KIF3B: variants seen among roughly 807,000 people sequenced by gnomAD.
KIF3B encodes the protein kinesin family member 3B, also known as kinesin-like protein KIF3B.
A neutral mutation model predicts 74.3 loss-of-function variants in KIF3B; 38 were observed. That is an observed-to-expected ratio of 0.51 (90% CI 0.39 to 0.67). The LOEUF (loss-of-function observed/expected upper bound fraction) is 0.67. KIF3B is among the 30% of genes least tolerant of loss of function. The pLI, the probability that KIF3B is intolerant of heterozygous loss-of-function variation, is 0.00. For synonymous variants in KIF3B, 326 were observed against 342.5 expected (o/e 0.95, Z 0.53); for missense variants, 649 against 932.0 (o/e 0.70, Z 3.95).
At position 32,335,002 on chromosome 20, in the gene KIF3B, C is replaced by T. The variant is rs1275102361; in HGVS notation, c.*3683C>T. 1.3e-5 allele frequency: 2 copies of T among 152,538 alleles called. No homozygotes were observed. Among genetic ancestry groups the T allele is most frequent in the African/African-American group, 4.8e-5 (2 of 41,426 alleles). 9.4% of individuals were successfully genotyped at this position (152,538 alleles called of 1,614,324 possible). On this transcript the variant is annotated 3_prime_UTR_variant, in exon 9 of 9. Transcript: ENST00000375712. ...ATAAAAATCAATCAGATTTATTGTA[C>T]CTACAAAAAGGTGTCCTCATAAATG...
At chr20:32,324,850 G>A (rs1266741204) in intron 5 of KIF3B, among the ~76,000 whole-genome samples, 2 of 152,118 alleles carry the variant, frequency 1.3e-5, no homozygotes, top group Non-Finnish European at 2.9e-5. Context: ...GCAACATGGT[G>A]AAACCCTGTC....
chr20:32,281,994 C>A (rs1421137313), intron 1 of KIF3B, among the ~76,000 whole-genome samples: 1 of 152,068 alleles, frequency 6.6e-6, no homozygotes, highest in Non-Finnish European at 1.5e-5. Context: ...TCATACAGGA[C>A]CTTGTCTGCT....
chr20:32,278,921 CTT>C (rs57355936), intron 1 of KIF3B, among the ~76,000 whole-genome samples: 41 of 118,394 alleles, frequency 3.5e-4, no homozygotes, highest in East Asian at 2.2e-3. Context: ...CTTAAGAATC[CTT>C]TTTTTTTTTT....
chr20:32,329,983 G>A (rs923900034), intron 7 of KIF3B, among the ~76,000 whole-genome samples, 158 bp from the exon 8 acceptor site: 1 of 152,186 alleles, frequency 6.6e-6, no homozygotes, highest in Admixed American at 6.5e-5. Context: ...GGAGTTAGGT[G>A]TTGTAAAACG....
chr20:32,316,166 T>C lies in KIF3B; in HGVS notation c.1405-52T>C, dbSNP rs1400246269. ...TCACAGGCTCCCCTGTGAGGAATTA[T>C]GTTCTGAGAGAAACCGTTCATGAGA... On this transcript the variant is annotated intron_variant, in intron 2 of 8. Transcript: ENST00000375712. The C allele has an allele frequency of 6.6e-6, 7 of 1,056,940 alleles. No homozygotes were observed. The African/African-American group carries it at 9.4e-5, about 14-fold the overall frequency. 65.5% of individuals were successfully genotyped at this position (1,056,940 alleles called of 1,614,324 possible). A position where few individuals can be genotyped will look rare whatever the true frequency, so the allele number is the denominator to read the frequency against.
At chr20:32,313,619 G>A (rs2047812566) in intron 2 of KIF3B, among the ~76,000 whole-genome samples, 1 of 152,150 alleles carries the variant, frequency 6.6e-6, no homozygotes, top group Non-Finnish European at 1.5e-5. Flanking sequence ...TTTGTTCCAG[G>A]GAGGGGTTCT....
intron 5 of KIF3B, 39 bp from the exon 6 acceptor site, chr20:32,326,732 T>C (rs1381552646): frequency 1.2e-6 from 1 of 822,136 alleles, no homozygotes. Flanking sequence ...TTCATATGTA[T>C]TCTGTATCTG....
chr20:32,319,079 A>G (rs940501140), intron 5 of KIF3B, among the ~76,000 whole-genome samples: 8 of 150,292 alleles, frequency 5.3e-5, no homozygotes, highest in African/African-American at 2.0e-4. Context: ...TCCCACCTCA[A>G]CCTCTGGAAT....
intron 1 of KIF3B, among the ~76,000 whole-genome samples, chr20:32,305,570 C>CTTTTTTTTTTTTTT (rs869049527): frequency 2.5e-4 from 22 of 86,908 alleles, no homozygotes; most frequent in African/African-American, 3.6e-4. Flanking sequence ...ACTCCCCCAC[C>CTTTTTTTTTTTTTT]TTTTTTTTTT....
chr20:32,321,780 A>G (rs983748986), intron 5 of KIF3B, among the ~76,000 whole-genome samples: 1 of 152,168 alleles, frequency 6.6e-6, no homozygotes, highest in Admixed American at 6.5e-5. Context: ...TCAACAGCAT[A>G]TGCTCTCTTC....
chr20:32,278,921 CTTTTTTTTTTTT>C (rs57355936), intron 1 of KIF3B, among the ~76,000 whole-genome samples: 1 of 118,420 alleles, frequency 8.4e-6, no homozygotes, highest in Non-Finnish European at 1.7e-5. Context: ...CTTAAGAATC[CTTTTTTTTTTTT>C]TTTTTTTTGA....
chr20:32,330,182 G>T lies in KIF3B; in HGVS notation c.2010G>T (p.Arg670=), dbSNP rs1004941464. Residue 670 remains arginine, a synonymous_variant, in exon 8 of 9, where the codon CGG becomes CGT. Coordinates refer to ENST00000375712, the MANE Select transcript of KIF3B (RefSeq NM_004798.4). The part of the protein sequence containing the change: ...IVLLELDMPS[R]TTRDYEGPAI... ...TGTTAGAGCTGGACATGCCCAGCCG[G>T]ACCACCAGAGACTATGAGGGTCCAG... The T allele has an allele frequency of 6.2e-7, 1 of 1,613,986 alleles. No individual in the cohort carries two copies. Among genetic ancestry groups the T allele is most frequent in the Non-Finnish European group, 8.5e-7 (1 of 1,179,964 alleles).
chr20:32,317,985 T>A (rs1487539307), intron 5 of KIF3B, among the ~76,000 whole-genome samples: 1 of 152,078 alleles, frequency 6.6e-6, no homozygotes, highest in African/African-American at 2.4e-5. Context: ...ATACTTCACA[T>A]ACCATACAAT....
At chr20:32,302,997 G>A (rs988637010) in intron 1 of KIF3B, among the ~76,000 whole-genome samples, 6 of 151,764 alleles carry the variant, frequency 4.0e-5, no homozygotes, top group African/African-American at 1.5e-4. Flanking sequence ...GATTTTTTTT[G>A]CAATTTTTTG....
intron 5 of KIF3B, among the ~76,000 whole-genome samples, chr20:32,322,688 A>T (rs866755415): frequency 1.5e-4 from 7 of 46,544 alleles, no homozygotes; most frequent in African/African-American, 9.5e-4. Flanking sequence ...ATTTATATAT[A>T]TTTATATATA....
rs755309231 is a variant in KIF3B, at chr20:32,311,172, C to A, written c.1395C>A (p.Ala465=). ...AGGATGCTGCCGAGATGCTGGGCGC[C>A]AAGATCAAGGTACCATACCCGTACC... is the stretch of plus-strand genomic sequence containing the variant. ...REKDAAEMLG[A]KIKAMESKLL... Residue 465 remains alanine, a synonymous_variant, in exon 2 of 9, where the codon GCC becomes GCA. Transcript: ENST00000375712. 104 of 1,608,242 alleles carry A rather than the reference C, an allele frequency of 6.5e-5. No homozygotes were observed. The highest frequency in any genetic ancestry group is 8.5e-5 in the Non-Finnish European group (100 of 1,177,628).
intron 5 of KIF3B, among the ~76,000 whole-genome samples, chr20:32,321,597 G>A (rs73613771): frequency 6.6e-6 from 1 of 152,046 alleles, no homozygotes; most frequent in African/African-American, 2.4e-5. Context: ...GAGTCCTCCA[G>A]CCTTGTTCTT....
chr20:32,290,734 C>G (rs1329189186), intron 1 of KIF3B, among the ~76,000 whole-genome samples: 1 of 151,940 alleles, frequency 6.6e-6, no homozygotes, highest in Non-Finnish European at 1.5e-5. Context: ...AATAAATTAG[C>G]TCAGTATGGT....
At chr20:32,329,704 A>G (rs933004) in intron 7 of KIF3B, among the ~76,000 whole-genome samples, 52,259 of 152,102 alleles carry the variant, frequency 0.34, 10,266 homozygotes, top group East Asian at 0.74. Flanking sequence ...GATGTAAAAT[A>G]TATTGAAATG....
Sources: gnomAD v4.1 joint callset for allele counts (sites outside exome capture counted in the v4.1 genomes callset) on GRCh38, gnomAD v4.1.1 for gene constraint, MANE v1.5 for transcripts, NCBI Gene and HGNC (gene_info 2026-07-23, HGNC 2026-07-21) for gene names.